EFCAB8: variants seen among roughly 807,000 people sequenced by gnomAD.
The protein encoded by EFCAB8 is EF-hand calcium binding domain 8, also known as EF-hand calcium-binding domain-containing protein 8.
A neutral mutation model predicts 116.3 loss-of-function variants in EFCAB8; 100 were observed. The ratio of observed to expected loss-of-function variants is 0.86; its 90% CI spans 0.73 to 1.02. EFCAB8 has a LOEUF of 1.02. Among genes scored for constraint, EFCAB8 ranks in the 50% least tolerant of loss-of-function variants. The probability of loss-of-function intolerance (pLI) is 0.00; values close to 1 mark genes in which losing one functional copy is unlikely to be tolerated. For synonymous variants in EFCAB8, 558 were observed against 567.9 expected (o/e 0.98, Z 0.25); for missense variants, 1,320 against 1,416.9 (o/e 0.93, Z 1.10).
At chr20:32,934,344 A>G (rs1470803363) in intron 22 of EFCAB8, among the ~76,000 whole-genome samples, 3 of 152,092 alleles carry the variant, frequency 2.0e-5, no homozygotes, top group African/African-American at 7.2e-5. Context: ...TGCATTATCC[A>G]TTCATCCACT....
rs1171475761 is a variant in EFCAB8, at chr20:32,893,315, G to A, written c.883+17G>A. On this transcript the variant is annotated intron_variant, in intron 9 of 26. Coordinates refer to ENST00000400522, the MANE Select transcript of EFCAB8 (RefSeq NM_001143967.2). ...CCAAGTGGGGTAGCTAAGATGCTGG[G>A]GAAGGGGGCAGAGGCCTGGGCATGG... 3 of 1,551,542 alleles carry A rather than the reference G, an allele frequency of 1.9e-6. No homozygotes were observed. Among genetic ancestry groups the A allele is most frequent in the East Asian group, 4.9e-5 (2 of 40,918 alleles).
chr20:32,879,733 T>C (rs1195593578), intron 5 of EFCAB8, among the ~76,000 whole-genome samples: 1 of 152,148 alleles, frequency 6.6e-6, no homozygotes, highest in Non-Finnish European at 1.5e-5. Flanking sequence ...CTTGTCCGTG[T>C]CCCTGTGTCT....
chr20:32,880,603 A>G (rs1985279793), intron 5 of EFCAB8, among the ~76,000 whole-genome samples: 1 of 152,216 alleles, frequency 6.6e-6, no homozygotes, highest in Non-Finnish European at 1.5e-5. Context: ...TTGGGATTTA[A>G]TTGAGAAATA....
At chr20:32,902,076 C>T (rs1249562385) in intron 11 of EFCAB8, among the ~76,000 whole-genome samples, 1 of 152,172 alleles carries the variant, frequency 6.6e-6, no homozygotes, top group Non-Finnish European at 1.5e-5. Context: ...TATAATTCTT[C>T]CATATCACCT....
chr20:32,861,966 T>G (rs995521190), intron 1 of EFCAB8, among the ~76,000 whole-genome samples: 2 of 152,148 alleles, frequency 1.3e-5, no homozygotes, highest in African/African-American at 2.4e-5. Flanking sequence ...AACCTCTTAA[T>G]TGCCTTTTTC....
At chr20:32,902,873 G>A (rs890926995) in intron 11 of EFCAB8, among the ~76,000 whole-genome samples, 4 of 152,186 alleles carry the variant, frequency 2.6e-5, no homozygotes, top group East Asian at 1.9e-4. Flanking sequence ...CAAATCTGAC[G>A]GAGCGGGTGT....
chr20:32,909,711 G>C (rs1986830503), intron 14 of EFCAB8, 110 bp from the exon 15 acceptor site: 3 of 469,952 alleles, frequency 6.4e-6, no homozygotes, highest in Non-Finnish European at 1.1e-5. Context: ...GCCTGCGTGT[G>C]GTCAGGACGT....
chr20:32,919,995 T>C (rs778745484), intron 19 of EFCAB8, 83 bp from the exon 20 acceptor site: 2 of 1,537,138 alleles, frequency 1.3e-6, no homozygotes, highest in Non-Finnish European at 1.8e-6. Context: ...TGCCGCTCTT[T>C]TATCATCTTC....
At position 32,938,687 on chromosome 20, in the gene EFCAB8, CA is replaced by C. The variant is rs565684165; in HGVS notation, c.2791-4942del. ...TTAAAAATTTCACTTATAATCGCAT[CA>C]AAAAAATACTTAGGAATAAATTTGG... On this transcript the variant is annotated intron_variant, in intron 22 of 26. Coordinates refer to ENST00000400522, the MANE Select transcript of EFCAB8 (RefSeq NM_001143967.2). Among the ~76,000 whole-genome samples, 52 of 149,210 alleles carry C rather than the reference CA, an allele frequency of 3.5e-4. 6 individuals carry two copies. In the East Asian group the frequency reaches 8.0e-3, roughly 23 times the overall value.
chr20:32,903,495 G>C (rs12480689), intron 11 of EFCAB8: 46,505 of 152,202 alleles, frequency 0.31, 8,741 homozygotes, highest in Middle Eastern at 0.46. Context: ...CTGTGCCCCT[G>C]GTAATCCTGG....
intron 20 of EFCAB8, among the ~76,000 whole-genome samples, chr20:32,929,110 G>A (rs972936113): frequency 1.3e-5 from 2 of 151,558 alleles, no homozygotes; most frequent in Middle Eastern, 3.4e-3. Context: ...TTAAATATCA[G>A]TGTTCATAAG....
intron 18 of EFCAB8, 146 bp downstream of exon 18, chr20:32,917,651 A>G: frequency 1.1e-6 from 1 of 878,470 alleles, no homozygotes; most frequent in African/African-American, 1.7e-5. Context: ...TTGGTTAGGT[A>G]GGTGGTAGTT....
intron 11 of EFCAB8, among the ~76,000 whole-genome samples, chr20:32,902,748 G>A (rs1986488605): frequency 6.6e-6 from 1 of 152,198 alleles, no homozygotes; most frequent in South Asian, 2.1e-4. Flanking sequence ...CCTGGCATTG[G>A]CACCCCAACC....
At chr20:32,894,121 C>T (rs956881865) in intron 9 of EFCAB8, among the ~76,000 whole-genome samples, 2 of 152,218 alleles carry the variant, frequency 1.3e-5, no homozygotes, top group African/African-American at 4.8e-5. Context: ...TGGAGCCTGT[C>T]TAGAATCCAG....
In EFCAB8 at chr20:32,896,485, C is replaced by G; in HGVS notation, c.915C>G (p.Leu305=). Reference sequence around the variant, plus strand: ...GGATCAAAGTTTCCTTGCAGAAACTCTTAAATGAGAAGTCTGCTTTGCATA... The same window carrying G: ...GGATCAAAGTTTCCTTGCAGAAACTGTTAAATGAGAAGTCTGCTTTGCATA... ...DHWIKVSLQK[L]LNEKSALHRS... is the part of the protein sequence containing the mutation. The change falls in exon 10 of 27, where the codon CTC becomes CTG. Residue 305 remains leucine (L), a synonymous_variant. Transcript: ENST00000400522. The G allele has an allele frequency of 1.4e-6, 1 of 719,012 alleles. No individual in the cohort carries two copies. Among genetic ancestry groups the G allele is most frequent in the Non-Finnish European group, 2.6e-6 (1 of 385,190 alleles). The allele number at this position is 719,012 out of a possible 1,614,324, so 44.5% of individuals were successfully genotyped here.
At position 32,907,111 on chromosome 20, in the gene EFCAB8, G is replaced by A. The variant is rs1600409209; in HGVS notation, c.1308+117G>A. ...ATCTGGCCAAAGGCCTAGCAGGAGG[G>A]GCCCCGGGTGGGAGGAAGGTGAGGG... On this transcript the variant is annotated intron_variant, in intron 13 of 26. Coordinates refer to ENST00000400522, the MANE Select transcript of EFCAB8 (RefSeq NM_001143967.2). The A allele has an allele frequency of 5.6e-6, 8 of 1,424,396 alleles. No individual in the cohort carries two copies. In the South Asian group the frequency reaches 1.2e-4, roughly 22 times the overall value. The allele number at this position is 1,424,396 out of a possible 1,614,324, so 88.2% of individuals were successfully genotyped here. A position where few individuals can be genotyped will look rare whatever the true frequency, so the allele number is the denominator to read the frequency against.
chr20:32,880,334 T>C (rs1354817655), intron 5 of EFCAB8, among the ~76,000 whole-genome samples: 1 of 151,672 alleles, frequency 6.6e-6, no homozygotes, highest in Non-Finnish European at 1.5e-5. Context: ...AATGGCTTGA[T>C]CTTGGCTCAC....
chr20:32,865,794 C>CAA (rs576681552), intron 2 of EFCAB8, among the ~76,000 whole-genome samples: 93 of 115,540 alleles, frequency 8.0e-4, no homozygotes, highest in African/African-American at 2.3e-3. Context: ...GACTCTGTCT[C>CAA]AAAAAAAAAA....
chr20:32,961,269 A>T lies in EFCAB8; in HGVS notation c.3527A>T (p.Asp1176Val). The change falls in exon 27 of 27, where the codon GAC becomes GTC. Residue 1176 changes from aspartate (D) to valine (V), a missense_variant. Physicochemically the swap from Asp to Val is radical, Grantham distance 152. Transcript: ENST00000400522. ...CTGGTGGCCCACCATGTCCAGAAGG[A>T]CCTGGTGCCCAGCAGGGAGCAGGCT... ...IRLVAHHVQK[D>V]LVPSREQAVL... The T allele has an allele frequency of 6.4e-7, 1 of 1,550,942 alleles. No individual in the cohort carries two copies. The highest frequency in any genetic ancestry group is 8.7e-7 in the Non-Finnish European group (1 of 1,146,482).
Sources: allele counts gnomAD v4.1 joint callset (sites outside exome capture counted in the v4.1 genomes callset), GRCh38; gene constraint gnomAD v4.1.1; transcripts MANE v1.5; gene names NCBI Gene and HGNC (gene_info 2026-07-23, HGNC 2026-07-21).